The following NEB variants were observed in gnomAD, a reference collection of about 807,000 sequenced individuals.
NEB encodes nebulin, also known as nemaline myopathy type 2.
Under a neutral mutation model 952.2 loss-of-function variants are expected in NEB, and 512 were observed. That is an observed-to-expected ratio of 0.54 (90% confidence interval 0.50 to 0.58). NEB has a LOEUF of 0.58. NEB is among the 20% of genes least tolerant of loss of function. The pLI, the probability that NEB is intolerant of heterozygous loss-of-function variation, is 0.00. For synonymous variants in NEB, 2,900 were observed against 3,149.8 expected, an observed-to-expected ratio of 0.92 and a Z score of 2.66; for missense variants, 8,428 against 9,231.1, an observed-to-expected ratio of 0.91 and a Z score of 3.56.
At chr2:151,512,015 C>T in intron 161 of NEB, among the ~76,000 whole-genome samples, 1 of 135,542 alleles carries the variant, frequency 7.4e-6, no homozygotes, top group Non-Finnish European at 1.5e-5. Context: ...GTTACCCTCT[C>T]ACTCTTTTTT....
At chr2:151,699,133 A>G (rs567345432) in intron 13 of NEB, among the ~76,000 whole-genome samples, 4 of 136,040 alleles carry the variant, frequency 2.9e-5, no homozygotes, top group African/African-American at 1.1e-4. Flanking sequence ...TGTTCTTGCG[A>G]TAGTTTACTG....
chr2:151,630,271 C>T (rs915791614), intron 67 of NEB, among the ~76,000 whole-genome samples: 4 of 152,136 alleles, frequency 2.6e-5, no homozygotes, highest in African/African-American at 9.7e-5. Flanking sequence ...GAGAACACTT[C>T]TTCCTTATGC....
intron 10 of NEB, among the ~76,000 whole-genome samples, chr2:151,716,881 A>C (rs767370404): frequency 6.6e-6 from 1 of 152,248 alleles, no homozygotes; most frequent in Admixed American, 6.5e-5. Context: ...GTCTCTCTGC[A>C]TTCCTCATCA....
chr2:151,617,559 C>A, intron 74 of NEB, 91 bp from the exon 75 acceptor site: 1 of 710,558 alleles, frequency 1.4e-6, no homozygotes. Flanking sequence ...CCAGTCATCT[C>A]TCTTGTATAC....
chr2:151,612,632 T>C (rs1227816179), intron 77 of NEB, among the ~76,000 whole-genome samples: 1 of 152,206 alleles, frequency 6.6e-6, no homozygotes, highest in Non-Finnish European at 1.5e-5. Flanking sequence ...TCATTTTCAG[T>C]GATAAAAACC....
chr2:151,509,078 A>G (rs1191348997), intron 161 of NEB, among the ~76,000 whole-genome samples: 3 of 152,202 alleles, frequency 2.0e-5, no homozygotes, highest in African/African-American at 7.2e-5. Context: ...TGGGGATAAA[A>G]CTATTCTGTC....
chr2:151,707,420 C>G (rs1358132081), intron 12 of NEB, among the ~76,000 whole-genome samples: 1 of 152,218 alleles, frequency 6.6e-6, no homozygotes, highest in Non-Finnish European at 1.5e-5. Context: ...TGCCAACACG[C>G]TCCTAAAGAA....
chr2:151,679,606 C>A, intron 32 of NEB, 115 bp downstream of exon 32: 1 of 668,070 alleles, frequency 1.5e-6, no homozygotes, highest in Non-Finnish European at 2.6e-6. Flanking sequence ...AGTTTTCAAT[C>A]AGATTTGCTT....
Position 151,629,779 on chromosome 2 carries a change from A to G in NEB, c.9724-133T>C, listed in dbSNP as rs149302373. The G allele has an allele frequency of 3.5e-5, 23 of 664,706 alleles. No individual in the cohort carries two copies. The African/African-American group carries it at 4.2e-4, about 12-fold the overall frequency. 41.2% of individuals were successfully genotyped at this position (664,706 alleles called of 1,614,324 possible). On this transcript the variant is annotated intron_variant, in intron 67 of 181. Coordinates refer to ENST00000397345, the MANE Select transcript of NEB (RefSeq NM_001164508.2). Reference sequence around the variant, plus strand: ...CAATTCAAGTTTCTGGCAATAGTGGAAAGCAAATAAATTATATTCTACCAA... The same window carrying G: ...CAATTCAAGTTTCTGGCAATAGTGGGAAGCAAATAAATTATATTCTACCAA...
intron 13 of NEB, among the ~76,000 whole-genome samples, chr2:151,704,402 C>T (rs2099693645): frequency 6.8e-6 from 1 of 148,124 alleles, no homozygotes; most frequent in Non-Finnish European, 1.5e-5. Flanking sequence ...TTCGAGCTTC[C>T]CGGCTGCTTT....
In NEB at chr2:151,537,880, CTG is replaced by C. The variant is rs1220521725; in HGVS notation, c.21092_21093del (p.Thr7031SerfsTer3). The C allele has an allele frequency of 6.2e-7, 1 of 1,603,178 alleles. No homozygotes were observed. The highest frequency in any genetic ancestry group is 1.7e-5 in the Admixed American group (1 of 58,300). ...AAGATGTCAACACTCACATCACTGA[CTG>C]TGTCAGTGACTGCTCGGTGGTGGAA... ...EHFHHRAVTD[T>X]VSDVKYKEDL... On this transcript the variant is annotated frameshift_variant, in exon 140 of 182. Transcript: ENST00000397345. LOFTEE classifies it high-confidence loss of function.
At chr2:151,617,504 A>AGAGAG (rs747981393) in intron 74 of NEB, 36 bp from the exon 75 acceptor site, 7 of 1,339,396 alleles carry the variant, frequency 5.2e-6, no homozygotes, top group Non-Finnish European at 7.1e-6. Flanking sequence ...AGAGAGAGAG[A>AGAGAG]AAAATTATTT....
intron 13 of NEB, among the ~76,000 whole-genome samples, chr2:151,706,162 C>T (rs1264550195): frequency 6.6e-6 from 1 of 152,226 alleles, no homozygotes; most frequent in Admixed American, 6.5e-5. Context: ...TCACTTGCCA[C>T]TTTCCCACAC....
intron 10 of NEB, among the ~76,000 whole-genome samples, chr2:151,715,216 T>A (rs1288224628): frequency 6.6e-6 from 1 of 152,230 alleles, no homozygotes; most frequent in Non-Finnish European, 1.5e-5. Flanking sequence ...CATTTTTAAA[T>A]GTAGAAGGAA....
At position 151,715,703 on chromosome 2, in the gene NEB, G is replaced by C. The variant is rs528814044; in HGVS notation, c.822+1713C>G. ...AGACTCCCAGCCTCCAGAACTGTGA[G>C]AAAATAAACGTCTATTGTTTAAGCC... On this transcript the variant is annotated intron_variant, in intron 10 of 181. Transcript: ENST00000397345. 4.6e-5 allele frequency among the ~76,000 whole-genome samples: 7 copies of C among 152,356 alleles called. No individual in the cohort carries two copies. The South Asian group carries it at 1.4e-3, about 32-fold the overall frequency.
chr2:151,718,865 G>T (rs964864879), intron 9 of NEB, among the ~76,000 whole-genome samples: 2 of 152,066 alleles, frequency 1.3e-5, no homozygotes, highest in Non-Finnish European at 2.9e-5. Flanking sequence ...TGGTTCTTTT[G>T]TTCCACCAGA....
At chr2:151,505,174 C>T (rs2153164369) in intron 165 of NEB, among the ~76,000 whole-genome samples, 1 of 152,218 alleles carries the variant, frequency 6.6e-6, no homozygotes, top group Admixed American at 6.5e-5. Flanking sequence ...CTTATTACTA[C>T]CATCAAAACA....
rs768145490 is a variant in NEB at position 151,675,302 on chromosome 2, A to G, written c.3864T>C (p.Ala1288=). The change falls in exon 35 of 182, where the codon GCT becomes GCC. Residue 1288 remains alanine (A), a synonymous_variant. Coordinates refer to ENST00000397345, the MANE Select transcript of NEB (RefSeq NM_001164508.2). ...LPQFLQAKCN[A]YNISDVCYKR... The stretch of plus-strand genomic sequence containing the variant: ...CCCTACTTACGTCACTTATATTGTA[A>G]GCATTGCACTTGGCCTGGAGAAACT... The G allele has an allele frequency of 1.9e-6, 3 of 1,584,664 alleles. No individual in the cohort carries two copies. Among genetic ancestry groups the G allele is most frequent in the Non-Finnish European group, 2.6e-6 (3 of 1,160,894 alleles).
At chr2:151,650,964 T>C in intron 52 of NEB, 79 bp from the exon 53 acceptor site, 3 of 1,372,478 alleles carry the variant, frequency 2.2e-6, no homozygotes, top group Non-Finnish European at 3.0e-6. Context: ...CTTTTCTTTC[T>C]TTCTTTTTTT....
Sources: allele counts gnomAD v4.1 joint callset (sites outside exome capture counted in the v4.1 genomes callset), GRCh38; gene constraint gnomAD v4.1.1; transcripts MANE v1.5; gene names NCBI Gene and HGNC (gene_info 2026-07-23, HGNC 2026-07-21).